The following FBLN1 variants were observed in gnomAD, a reference collection of about 807,000 sequenced individuals.
FBLN1 encodes the protein fibulin 1.
In FBLN1, 34 loss-of-function variants were observed where a neutral mutation model predicts 89.7. The observed-to-expected ratio is 0.38, with a 90% CI of 0.29 to 0.50. FBLN1 has a LOEUF of 0.50. FBLN1 is among the 20% of genes least tolerant of loss of function. FBLN1 has a pLI of 0.92. For synonymous variants in FBLN1, 393 were observed against 391.3 expected (o/e 1.00, Z -0.05); for missense variants, 777 against 988.1 (o/e 0.79, Z 2.86).
chr22:45,586,750 G>C (rs2089089838), intron 16 of FBLN1, among the ~76,000 whole-genome samples: 1 of 152,192 alleles, frequency 6.6e-6, no homozygotes. Context: ...AGGTGTTTCG[G>C]AAGGAGTAGA....
intron 14 of FBLN1, among the ~76,000 whole-genome samples, chr22:45,552,105 G>T (rs2088710447): frequency 6.6e-6 from 1 of 152,230 alleles, no homozygotes; most frequent in South Asian, 2.1e-4. Context: ...TTTCTTCCTG[G>T]ACCTACTGCG....
At position 45,531,478 on chromosome 22, in the gene FBLN1, C is replaced by T. The variant is rs1342612620; in HGVS notation, c.544+154C>T. Among the ~76,000 whole-genome samples the T allele has an allele frequency of 6.6e-6, 1 of 151,836 alleles. No homozygotes were observed. Among genetic ancestry groups the T allele is most frequent in the Non-Finnish European group, 1.5e-5 (1 of 67,818 alleles). On this transcript the variant is annotated intron_variant, in intron 5 of 16. Transcript: ENST00000327858. The surrounding 1 kb of genome is among the most constrained non-coding windows in gnomAD (Gnocchi z 4.9). ...GTGGCTGCAGTGAGCTATGACTGCA[C>T]CTTTGCACTCTAGCCTGGGCAACAG...
chr22:45,569,725 G>C (rs2088935005), intron 14 of FBLN1, among the ~76,000 whole-genome samples: 1 of 152,144 alleles, frequency 6.6e-6, no homozygotes, highest in Admixed American at 6.6e-5. Flanking sequence ...CATGTGAGGA[G>C]GACACAGGGA....
intron 14 of FBLN1, chr22:45,551,139 G>A (rs755333698): frequency 4.3e-6 from 1 of 235,150 alleles, no homozygotes; most frequent in Non-Finnish European, 8.5e-6. Context: ...ACGTGGGGCT[G>A]CGTGCCCCTA....
At position 45,527,942 on chromosome 22, in the gene FBLN1, C is replaced by G; in HGVS notation, c.417C>G (p.Val139=). 1.2e-6 allele frequency: 2 copies of G among 1,614,166 alleles called. No homozygotes were observed. The highest frequency in any genetic ancestry group is 1.7e-6 in the Non-Finnish European group (2 of 1,180,022). Reference sequence around the variant, plus strand: ...TGGTTGGCTACCAGTGTGGACAGGTCTTCCAGGCATGCTGTGTCAAGAGCC... The same window carrying G: ...TGGTTGGCTACCAGTGTGGACAGGTGTTCCAGGCATGCTGTGTCAAGAGCC... ...SLMVGYQCGQ[V]FQACCVKSQE... The change falls in exon 4 of 17, where the codon GTC becomes GTG. Residue 139 remains valine, a synonymous_variant. Transcript: ENST00000327858.
chr22:45,514,042 C>T (rs1277149556), intron 1 of FBLN1, among the ~76,000 whole-genome samples: 1 of 151,940 alleles, frequency 6.6e-6, no homozygotes, highest in Non-Finnish European at 1.5e-5. Flanking sequence ...CCGCCCACCT[C>T]GACCTGCTGG....
chr22:45,505,419 ACT>A (rs2088005805), intron 1 of FBLN1, among the ~76,000 whole-genome samples: 1 of 151,526 alleles, frequency 6.6e-6, no homozygotes, highest in African/African-American at 2.4e-5. Context: ...TGAAGATGAG[ACT>A]CTGTGCCATG....
intron 2 of FBLN1, among the ~76,000 whole-genome samples, chr22:45,524,646 C>T (rs2088296067): frequency 6.6e-6 from 1 of 152,268 alleles, no homozygotes; most frequent in African/African-American, 2.4e-5. Context: ...AGAGTCAGCC[C>T]CCCGCCGCTT....
chr22:45,510,080 C>T (rs1046384916), intron 1 of FBLN1, among the ~76,000 whole-genome samples: 6 of 152,132 alleles, frequency 3.9e-5, no homozygotes, highest in East Asian at 3.9e-4. Flanking sequence ...CAGCTATTCA[C>T]GGAGCTTTGC....
Position 45,502,950 on chromosome 22 carries a change from T to C in FBLN1, c.-36T>C. On this transcript the variant is annotated 5_prime_UTR_variant, in exon 1 of 17. Transcript: ENST00000327858. Reference sequence around the variant, plus strand: ...TGCCCCAGGACCGCGCCCGCGCCTTTGTCCGCCGCCGCCCACCGCCCGTCG... The same window carrying C: ...TGCCCCAGGACCGCGCCCGCGCCTTCGTCCGCCGCCGCCCACCGCCCGTCG... 9.9e-7 allele frequency: 1 copy of C among 1,013,366 alleles called. No individual in the cohort carries two copies. The allele number at this position is 1,013,366 out of a possible 1,614,324, so 62.8% of individuals were successfully genotyped here. A position where few individuals can be genotyped will look rare whatever the true frequency, so the allele number is the denominator to read the frequency against.
chr22:45,538,947 G>A (rs1241159376), intron 8 of FBLN1, among the ~76,000 whole-genome samples: 2 of 152,138 alleles, frequency 1.3e-5, no homozygotes, highest in Non-Finnish European at 2.9e-5. Flanking sequence ...CATGCATGGA[G>A]AATTTTCTAG....
chr22:45,536,628 A>G lies in FBLN1; in HGVS notation c.922+1291A>G, dbSNP rs373260424. 1.1e-4 allele frequency among the ~76,000 whole-genome samples: 16 copies of G among 152,154 alleles called. No individual in the cohort carries two copies. Among genetic ancestry groups the G allele is most frequent in the African/African-American group, 3.9e-4 (16 of 41,516 alleles). On this transcript the variant is annotated intron_variant, in intron 8 of 16. Coordinates refer to ENST00000327858, the MANE Select transcript of FBLN1 (RefSeq NM_006486.3). This position sits in a 1 kb window ranked among gnomAD's most constrained non-coding sequence, Gnocchi z 5.1. ...AAAAATACAAAAATTAGCTGGGCGT[A>G]GTGATGGGCGCCTGTAATCCCAGCT...
intron 1 of FBLN1, among the ~76,000 whole-genome samples, chr22:45,507,580 G>A (rs2088039500): frequency 6.6e-6 from 1 of 152,134 alleles, no homozygotes; most frequent in Non-Finnish European, 1.5e-5. Context: ...CAGGCTGGAG[G>A]GCAGTAGTGT....
chr22:45,513,854 C>T (rs1421091761), intron 1 of FBLN1, among the ~76,000 whole-genome samples: 4 of 152,010 alleles, frequency 2.6e-5, no homozygotes, highest in Non-Finnish European at 4.4e-5. Context: ...AGTGCAGTGG[C>T]GTGATCTTGG....
In FBLN1 at chr22:45,579,108, G is replaced by A. The variant is rs963431098; in HGVS notation, c.1972+2000G>A. ...TTCCTGGGGTGACCCAAGCCAAGAG[G>A]TTGGGCAGCTGCTGGGCCTAGAACC... On this transcript the variant is annotated intron_variant, in intron 16 of 16. Transcript: ENST00000327858. This position sits in a 1 kb window ranked among gnomAD's most constrained non-coding sequence, Gnocchi z 5.5. Among the ~76,000 whole-genome samples, 1 of 152,222 alleles carries A rather than the reference G, an allele frequency of 6.6e-6. No individual in the cohort carries two copies.
In FBLN1 at chr22:45,576,871, C is replaced by T; in HGVS notation, c.1841-106C>T. On this transcript the variant is annotated intron_variant, in intron 15 of 16. Coordinates refer to ENST00000327858, the MANE Select transcript of FBLN1 (RefSeq NM_006486.3). This position sits in a 1 kb window ranked among gnomAD's most constrained non-coding sequence, Gnocchi z 5.2. ...CATTGATGTTGTCTCATGAAAGGGCCCTGGGTTAGGTCTTCATTCCCCAAG... is the reference window on the plus strand; with the variant it reads ...CATTGATGTTGTCTCATGAAAGGGCTCTGGGTTAGGTCTTCATTCCCCAAG... The T allele has an allele frequency of 1.4e-6, 2 of 1,391,874 alleles. No homozygotes were observed. Among genetic ancestry groups the T allele is most frequent in the Non-Finnish European group, 1.0e-6 (1 of 999,930 alleles). 86.2% of individuals were successfully genotyped at this position (1,391,874 alleles called of 1,614,324 possible).
chr22:45,599,692 T>C (rs2089214910), intron 16 of FBLN1, among the ~76,000 whole-genome samples: 1 of 151,910 alleles, frequency 6.6e-6, no homozygotes, highest in East Asian at 1.9e-4. Context: ...CCAAAGCGGG[T>C]GGATCACCTG....
Position 45,580,234 on chromosome 22 carries a change from C to T in FBLN1, c.1972+3126C>T, listed in dbSNP as rs1040236908. On this transcript the variant is annotated intron_variant, in intron 16 of 16. Coordinates refer to ENST00000327858, the MANE Select transcript of FBLN1 (RefSeq NM_006486.3). The surrounding 1 kb of genome is among the most constrained non-coding windows in gnomAD (Gnocchi z 8.6). ...TTCATGGTGGTGGAGAGGAAGAAAGCGGCTTCCAGGGCTGCTGCTCCTGGT... is the reference window on the plus strand; with the variant it reads ...TTCATGGTGGTGGAGAGGAAGAAAGTGGCTTCCAGGGCTGCTGCTCCTGGT... Among the ~76,000 whole-genome samples the T allele has an allele frequency of 6.6e-6, 1 of 152,124 alleles. No homozygotes were observed.
At chr22:45,593,945 C>T (rs2089161117) in intron 16 of FBLN1, among the ~76,000 whole-genome samples, 1 of 152,224 alleles carries the variant, frequency 6.6e-6, no homozygotes, top group African/African-American at 2.4e-5. Flanking sequence ...AGGAGGCCGA[C>T]TGTGAGCGTC....
Sources: allele counts gnomAD v4.1 joint callset (sites outside exome capture counted in the v4.1 genomes callset), GRCh38; gene constraint gnomAD v4.1.1; non-coding constraint Gnocchi (gnomAD v3.1); transcripts MANE v1.5; gene names NCBI Gene and HGNC (gene_info 2026-07-23, HGNC 2026-07-21).